The following DLAT variants were observed in gnomAD, a reference collection of about 807,000 sequenced individuals.
The protein encoded by DLAT is dihydrolipoamide S-acetyltransferase, also known as dihydrolipoyllysine-residue acetyltransferase component of pyruvate dehydrogenase complex, mitochondrial.
In DLAT, 43 loss-of-function variants were observed where a neutral mutation model predicts 68.0. The ratio of observed to expected loss-of-function variants is 0.63; its 90% confidence interval spans 0.50 to 0.81. The LOEUF is 0.81. Ranked by LOEUF, DLAT falls within the 40% of genes least tolerant of loss-of-function variation. The pLI is 0.00. For missense variants in DLAT, 745 were observed against 815.4 expected (o/e 0.91, Z 1.05); for synonymous variants, 265 against 288.6 (o/e 0.92, Z 0.83).
intron 10 of DLAT, among the ~76,000 whole-genome samples, chr11:112,048,705 T>C (rs1429802059): frequency 2.0e-5 from 3 of 151,976 alleles, no homozygotes; most frequent in African/African-American, 7.2e-5. Context: ...GGCTAATTTT[T>C]GTATTTTTAG....
At chr11:112,046,840 T>C (rs1472973476) in intron 10 of DLAT, among the ~76,000 whole-genome samples, 1 of 152,218 alleles carries the variant, frequency 6.6e-6, no homozygotes, top group African/African-American at 2.4e-5. Context: ...GGTGTGTATG[T>C]GCCACATTTT....
intron 4 of DLAT, chr11:112,030,393 G>T: frequency 9.6e-6 from 4 of 414,904 alleles, no homozygotes; most frequent in South Asian, 6.0e-5. Flanking sequence ...ACGGAAGTCG[G>T]GGGATCATAT....
chr11:112,059,519 A>G (rs1864401786), intron 11 of DLAT, among the ~76,000 whole-genome samples: 1 of 152,048 alleles, frequency 6.6e-6, no homozygotes, highest in African/African-American at 2.4e-5. Context: ...CAGCCTCCTG[A>G]GTAGCTGGCA....
rs181807830 is a variant in DLAT at position 112,028,616 on chromosome 11, G to C, written c.483G>C (p.Ala161=). 1 of 1,614,066 alleles carries C rather than the reference G, an allele frequency of 6.2e-7. No homozygotes were observed. The highest frequency in any genetic ancestry group is 2.2e-5 in the East Asian group (1 of 44,886). ...AEGTRDVPIG[A]IICITVGKPE... ...GTACCAGGGATGTTCCCATCGGAGCGATCATCTGTATCACAGTTGGCAAGT... is the reference window on the plus strand; with the variant it reads ...GTACCAGGGATGTTCCCATCGGAGCCATCATCTGTATCACAGTTGGCAAGT... Residue 161 remains alanine (A), a synonymous_variant, in exon 3 of 14, where the codon GCG becomes GCC. Coordinates refer to ENST00000280346, the MANE Select transcript of DLAT (RefSeq NM_001931.5).
At chr11:112,027,760 C>A (rs1161577491) in intron 2 of DLAT, among the ~76,000 whole-genome samples, 1 of 152,124 alleles carries the variant, frequency 6.6e-6, no homozygotes, top group African/African-American at 2.4e-5. Flanking sequence ...ACCAGTCAGG[C>A]GTGGCGGCGC....
chr11:112,038,360 G>A (rs782582045), intron 6 of DLAT, among the ~76,000 whole-genome samples: 2 of 151,548 alleles, frequency 1.3e-5, no homozygotes, highest in African/African-American at 4.8e-5. Context: ...CACCATGCCC[G>A]GCTAATTTTT....
At chr11:112,046,713 G>A (rs1233069123) in intron 10 of DLAT, among the ~76,000 whole-genome samples, 1 of 151,918 alleles carries the variant, frequency 6.6e-6, no homozygotes, top group Non-Finnish European at 1.5e-5. Context: ...GAGAACATGC[G>A]GTGTTTGGTT....
At chr11:112,054,094 A>G (rs913313887) in intron 11 of DLAT, among the ~76,000 whole-genome samples, 4 of 151,804 alleles carry the variant, frequency 2.6e-5, no homozygotes, top group African/African-American at 9.7e-5. Flanking sequence ...GGATCGCCTG[A>G]GGTCAAGCGT....
At chr11:112,027,432 T>TG (rs1184220585) in intron 2 of DLAT, among the ~76,000 whole-genome samples, 1 of 141,210 alleles carries the variant, frequency 7.1e-6, no homozygotes, top group African/African-American at 2.8e-5. Context: ...AGCCAGGCAG[T>TG]GGGGCTCCTC....
At chr11:112,055,489 C>T (rs1275070133) in intron 11 of DLAT, among the ~76,000 whole-genome samples, 1 of 152,060 alleles carries the variant, frequency 6.6e-6, no homozygotes, top group Non-Finnish European at 1.5e-5. Context: ...TGTGATCTGC[C>T]TGCCTTGGCC....
intron 1 of DLAT, 121 bp downstream of exon 1, chr11:112,025,872 C>T (rs1592650258): frequency 7.5e-7 from 1 of 1,325,064 alleles, no homozygotes; most frequent in Non-Finnish European, 1.0e-6. Context: ...TGCTTTGGCC[C>T]TTTGTCCAAT....
At chr11:112,042,093 G>C (rs1863078112) in intron 7 of DLAT, among the ~76,000 whole-genome samples, 1 of 152,146 alleles carries the variant, frequency 6.6e-6, no homozygotes, top group Non-Finnish European at 1.5e-5. Flanking sequence ...AGATCATTTT[G>C]GTTGCTCCAT....
At chr11:112,049,216 C>T (rs1465366812) in intron 10 of DLAT, among the ~76,000 whole-genome samples, 1 of 151,798 alleles carries the variant, frequency 6.6e-6, no homozygotes, top group Admixed American at 6.6e-5. Flanking sequence ...TGTCTGAGTC[C>T]CTTGCAATTC....
In DLAT at chr11:112,045,171, G is replaced by A. The variant is rs781862129; in HGVS notation, c.1231G>A (p.Gly411Arg). The stretch of plus-strand genomic sequence containing the variant: ...AGCTGTTGTGCCTCCCACAGGTCCT[G>A]GAATGGCACCAGTTCCTACAGGTGT... ...PAAVVPPTGP[G>R]MAPVPTGVFT... The change falls in exon 9 of 14, where the codon GGA (glycine) becomes AGA (arginine). Residue 411 changes from glycine to arginine, a missense_variant. Coordinates refer to ENST00000280346, the MANE Select transcript of DLAT (RefSeq NM_001931.5). The A allele has an allele frequency of 6.2e-7, 1 of 1,614,130 alleles. No homozygotes were observed. The highest frequency in any genetic ancestry group is 2.2e-5 in the East Asian group (1 of 44,884).
rs119103240 is a variant in DLAT at position 112,061,088 on chromosome 11, C to A, written c.1728C>A (p.Phe576Leu). ...TAGGAATGTTTGGAATTAAGAATTT[C>A]TCTGCTATTATTAACCCACCTCAAG... ...SNLGMFGIKN[F>L]SAIINPPQAC... The change falls in exon 13 of 14, where the codon TTC becomes TTA. Residue 576 changes from phenylalanine (F) to leucine (L), a missense_variant. Coordinates refer to ENST00000280346, the MANE Select transcript of DLAT (RefSeq NM_001931.5). The A allele has an allele frequency of 3.7e-6, 6 of 1,613,398 alleles. No homozygotes were observed. Among genetic ancestry groups the A allele is most frequent in the South Asian group, 2.2e-5 (2 of 90,960 alleles).
rs1864604374 is a variant in DLAT at position 112,061,285 on chromosome 11, C to G, written c.1814+111C>G. Reference sequence around the variant, plus strand: ...CAGGAACCCCCTCAAATATCGTGATCCACAATGCTCAAGTCCCTGATATGA... The same window carrying G: ...CAGGAACCCCCTCAAATATCGTGATGCACAATGCTCAAGTCCCTGATATGA... On this transcript the variant is annotated intron_variant, in intron 13 of 13. Coordinates refer to ENST00000280346, the MANE Select transcript of DLAT (RefSeq NM_001931.5). The G allele has an allele frequency of 2.7e-6, 3 of 1,126,516 alleles. No individual in the cohort carries two copies. The African/African-American group carries it at 4.6e-5, about 17-fold the overall frequency. The allele number at this position is 1,126,516 out of a possible 1,614,324, so 69.8% of individuals were successfully genotyped here.
intron 4 of DLAT, among the ~76,000 whole-genome samples, chr11:112,031,375 C>G (rs1862383276): frequency 6.6e-6 from 1 of 152,054 alleles, no homozygotes; most frequent in Admixed American, 6.6e-5. Flanking sequence ...GTGGAAATGG[C>G]TATTATAAAA....
intron 11 of DLAT, among the ~76,000 whole-genome samples, chr11:112,055,348 G>A (rs11214068): frequency 2.7e-5 from 4 of 146,616 alleles, no homozygotes; most frequent in Admixed American, 1.4e-4. Flanking sequence ...GGTTCATGCC[G>A]TTCTCCTGCC....
At chr11:112,035,102 G>A (rs587629727) in intron 5 of DLAT, among the ~76,000 whole-genome samples, 92 of 152,194 alleles carry the variant, frequency 6.0e-4, no homozygotes, top group African/African-American at 2.2e-3. Flanking sequence ...ACCACCAAAG[G>A]GAAGCCTTTC....
Sources: allele counts gnomAD v4.1 joint callset (sites outside exome capture counted in the v4.1 genomes callset), GRCh38; gene constraint gnomAD v4.1.1; transcripts MANE v1.5; gene names NCBI Gene and HGNC (gene_info 2026-07-23, HGNC 2026-07-21).